DCAF16: variants seen among roughly 807,000 people sequenced by gnomAD.
DCAF16 encodes the protein DDB1- and CUL4-associated factor 16.
In DCAF16, 10 loss-of-function variants were observed where a neutral mutation model predicts 17.3. The ratio of observed to expected loss-of-function variants is 0.58; its 90% CI spans 0.36 to 0.98. The LOEUF is 0.98. DCAF16 is among the 50% of genes least tolerant of loss of function. The probability of loss-of-function intolerance (pLI) is 0.01; values close to 1 mark genes in which losing one functional copy is unlikely to be tolerated. For synonymous variants in DCAF16, 111 were observed against 92.8 expected, an observed-to-expected ratio of 1.20 and a Z score of -1.12; for missense variants, 249 against 247.6, an observed-to-expected ratio of 1.01 and a Z score of -0.04.
the DCAF16 span, among the ~76,000 whole-genome samples, chr4:17,794,602 G>A: frequency 0.43 from 65,628 of 152,036 alleles, 16,723 homozygotes; most frequent in Non-Finnish European, 0.57. Flanking sequence ...ACAAAATTGA[G>A]ATTTCCCTAA....
Position 17,803,454 on chromosome 4 carries a change from T to A in DCAF16, c.*37A>T. On this transcript the variant is annotated 3_prime_UTR_variant, in exon 3 of 3. Coordinates refer to ENST00000382247, the MANE Select transcript of DCAF16 (RefSeq NM_017741.4). ...ACTAACTTTGTACCACTTTCTCAAT[T>A]AGCAACATCAGAGATATCAGAGCAA... The A allele has an allele frequency of 6.3e-7, 1 of 1,578,392 alleles. No homozygotes were observed. The highest frequency in any genetic ancestry group is 8.7e-7 in the Non-Finnish European group (1 of 1,154,718).
the DCAF16 span, among the ~76,000 whole-genome samples, chr4:17,793,743 C>T: frequency 6.6e-6 from 1 of 152,188 alleles, no homozygotes; most frequent in South Asian, 2.1e-4. Flanking sequence ...ATACTTTGAT[C>T]TGAGTGTATA....
Position 17,804,342 on chromosome 4 carries a change from T to A in DCAF16, c.-201A>T. The A allele has an allele frequency of 1.7e-6, 1 of 593,610 alleles. No individual in the cohort carries two copies. The highest frequency in any genetic ancestry group is 3.0e-6 in the Non-Finnish European group (1 of 328,104). The allele number at this position is 593,610 out of a possible 1,614,324, so 36.8% of individuals were successfully genotyped here. A position where few individuals can be genotyped will look rare whatever the true frequency, so the allele number is the denominator to read the frequency against. On this transcript the variant is annotated 5_prime_UTR_variant, in exon 3 of 3. It adds an upstream start codon to the 5' untranslated region. Coordinates refer to ENST00000382247, the MANE Select transcript of DCAF16 (RefSeq NM_017741.4). ...CAAGATTATGTTGTATATTCTTCACTTACAAAGAAGACATCTCAGTTTCCA... is the reference window on the plus strand; with the variant it reads ...CAAGATTATGTTGTATATTCTTCACATACAAAGAAGACATCTCAGTTTCCA...
Position 17,803,846 on chromosome 4 carries a change from T to C in DCAF16, c.296A>G (p.His99Arg), listed in dbSNP as rs746124707. ...ILREIGLRLS[H>R]CSHCVPKLEP... Reference sequence around the variant, plus strand: ...CAGTTTGGGGACACAATGGGAACAATGGGAGAGTCTTAGACCTATCTCTCG... The same window carrying C: ...CAGTTTGGGGACACAATGGGAACAACGGGAGAGTCTTAGACCTATCTCTCG... Residue 99 changes from histidine to arginine, a missense_variant, in exon 3 of 3, where the codon CAT becomes CGT. Coordinates refer to ENST00000382247, the MANE Select transcript of DCAF16 (RefSeq NM_017741.4). 4 of 1,614,108 alleles carry C rather than the reference T, an allele frequency of 2.5e-6. No individual in the cohort carries two copies. The highest frequency in any genetic ancestry group is 2.7e-5 in the African/African-American group (2 of 74,942).
At position 17,800,795 on chromosome 4, in the gene DCAF16, A is replaced by C. The variant is rs1196731368; in HGVS notation, c.*2696T>G. On this transcript the variant is annotated 3_prime_UTR_variant, in exon 3 of 3. Coordinates refer to ENST00000382247, the MANE Select transcript of DCAF16 (RefSeq NM_017741.4). ...AGAAAAAGGAACGTATTATGAACAC[A>C]TGAACATAAACATATTTTAATATTC... is the stretch of plus-strand genomic sequence containing the variant. 2.0e-5 allele frequency: 3 copies of C among 152,664 alleles called. No individual in the cohort carries two copies. Among genetic ancestry groups the C allele is most frequent in the Non-Finnish European group, 2.9e-5 (2 of 68,036 alleles). The allele number at this position is 152,664 out of a possible 1,614,324, so 9.5% of individuals were successfully genotyped here.
Position 17,801,542 on chromosome 4 carries a change from C to G in DCAF16, c.*1949G>C, listed in dbSNP as rs1007730525. ...TATATAACTTTTCACAATCTCTTTTCTGATTCCCTTTAGATGCCCAGTCAA... is the reference window on the plus strand; with the variant it reads ...TATATAACTTTTCACAATCTCTTTTGTGATTCCCTTTAGATGCCCAGTCAA... On this transcript the variant is annotated 3_prime_UTR_variant, in exon 3 of 3. Coordinates refer to ENST00000382247, the MANE Select transcript of DCAF16 (RefSeq NM_017741.4). The G allele has an allele frequency of 3.3e-5, 5 of 152,174 alleles. No individual in the cohort carries two copies. Among genetic ancestry groups the G allele is most frequent in the African/African-American group, 7.2e-5 (3 of 41,432 alleles). 9.4% of individuals were successfully genotyped at this position (152,174 alleles called of 1,614,324 possible).
intron 1 of DCAF16, among the ~76,000 whole-genome samples, chr4:17,808,154 AT>A (rs770365736): frequency 4.6e-4 from 70 of 152,378 alleles, no homozygotes; most frequent in Admixed American, 7.2e-4. Flanking sequence ...CTACAGCAAT[AT>A]AAAGGAAACT....
In DCAF16 at chr4:17,802,146, T is replaced by G. The variant is rs1444104853; in HGVS notation, c.*1345A>C. On this transcript the variant is annotated 3_prime_UTR_variant, in exon 3 of 3. Transcript: ENST00000382247. ...AAATTAGAAGGGTTCCTGAAAAGTT[T>G]GCAATGGATGTGGAAAGTACTTGAG... 1 of 152,438 alleles carries G rather than the reference T, an allele frequency of 6.6e-6. No individual in the cohort carries two copies. Among genetic ancestry groups the G allele is most frequent in the Non-Finnish European group, 1.5e-5 (1 of 68,046 alleles). The allele number at this position is 152,438 out of a possible 1,614,324, so 9.4% of individuals were successfully genotyped here.
At chr4:17,807,729 A>G (rs1305848668) in intron 1 of DCAF16, among the ~76,000 whole-genome samples, 3 of 152,212 alleles carry the variant, frequency 2.0e-5, no homozygotes, top group Admixed American at 6.5e-5. Context: ...ATACAGCAAC[A>G]TGGGTGGCCT....
rs1719951702 is a variant in DCAF16, at chr4:17,803,148, C to T, written c.*343G>A. ...CAAGTGATTCTCCTGTTTCAGCCTC[C>T]CGAGTAGCAGGGATTACAGGCGTGC... On this transcript the variant is annotated 3_prime_UTR_variant, in exon 3 of 3. Transcript: ENST00000382247. 9 of 208,292 alleles carry T rather than the reference C, an allele frequency of 4.3e-5. 1 individual carries two copies. The South Asian group carries it at 7.4e-4, about 17-fold the overall frequency. 12.9% of individuals were successfully genotyped at this position (208,292 alleles called of 1,614,324 possible).
At chr4:17,800,011 G>A (rs949775415), downstream of DCAF16, among the ~76,000 whole-genome samples, 2 of 152,050 alleles carry the variant, frequency 1.3e-5, no homozygotes, top group South Asian at 2.1e-4. Flanking sequence ...GCTGGGCGTG[G>A]TGGCACATGC....
chr4:17,795,730 C>G (rs1406701893), downstream of DCAF16, among the ~76,000 whole-genome samples: 1 of 152,144 alleles, frequency 6.6e-6, no homozygotes, highest in Non-Finnish European at 1.5e-5. Context: ...AATATCACAG[C>G]TTCTTTATGT....
At chr4:17,809,713 A>G (rs1273876966) in intron 1 of DCAF16, 1 of 151,990 alleles carries the variant, frequency 6.6e-6, no homozygotes, top group Non-Finnish European at 1.5e-5. Flanking sequence ...CATTAACAAG[A>G]AAAAAAACCC....
intron 1 of DCAF16, among the ~76,000 whole-genome samples, chr4:17,808,177 TAAG>T (rs2109028838): frequency 6.6e-6 from 1 of 152,352 alleles, no homozygotes; most frequent in Non-Finnish European, 1.5e-5. Context: ...CTTATAACTT[TAAG>T]AAGAAACAAT....
At chr4:17,796,244 C>G (rs1719422225), downstream of DCAF16, among the ~76,000 whole-genome samples, 1 of 152,138 alleles carries the variant, frequency 6.6e-6, no homozygotes, top group Non-Finnish European at 1.5e-5. Flanking sequence ...CCTTTAAATC[C>G]TCAAGTCTTT....
downstream of DCAF16, chr4:17,800,525 T>G (rs562210769): frequency 6.6e-6 from 1 of 152,624 alleles, no homozygotes; most frequent in South Asian, 2.1e-4. Flanking sequence ...CCAAGTCATC[T>G]CCTGTCAGAC....
chr4:17,805,308 T>A (rs578216259), intron 1 of DCAF16, 83 bp from the exon 2 acceptor site: 1 of 152,052 alleles, frequency 6.6e-6, no homozygotes, highest in Non-Finnish European at 1.5e-5. Flanking sequence ...AACTTAGAGA[T>A]GAACCAAACA....
chr4:17,796,915 A>G (rs1471510574), downstream of DCAF16, among the ~76,000 whole-genome samples: 1 of 152,052 alleles, frequency 6.6e-6, no homozygotes, highest in Non-Finnish European at 1.5e-5. Flanking sequence ...AAGAAATACA[A>G]CTTGGGTCAA....
chr4:17,804,142 C>T lies in DCAF16; in HGVS notation c.-1G>A, dbSNP rs760483445. On this transcript the variant is annotated 5_prime_UTR_variant, in exon 3 of 3. Coordinates refer to ENST00000382247, the MANE Select transcript of DCAF16 (RefSeq NM_017741.4). ...CAGGAGAGGGATTTCTAGGACCCAT[C>T]AGAATAAAACACAGTAAGGAACCAG... is the stretch of plus-strand genomic sequence containing the variant. 27 of 1,609,472 alleles carry T rather than the reference C, an allele frequency of 1.7e-5. No homozygotes were observed. Among genetic ancestry groups the T allele is most frequent in the Non-Finnish European group, 2.3e-5 (27 of 1,178,188 alleles).
Sources: gnomAD v4.1 joint callset for allele counts (sites outside exome capture counted in the v4.1 genomes callset) on GRCh38, gnomAD v4.1.1 for gene constraint, MANE v1.5 for transcripts, NCBI Gene and HGNC (gene_info 2026-07-23, HGNC 2026-07-21) for gene names.